KCTD8: variants seen among roughly 807,000 people sequenced by gnomAD.
KCTD8 encodes the protein BTB/POZ domain-containing protein KCTD8.
Under a neutral mutation model 31.5 loss-of-function variants are expected in KCTD8, and 27 were observed. That is an observed-to-expected ratio of 0.86 (90% CI 0.63 to 1.18). The LOEUF (loss-of-function observed/expected upper bound fraction) is 1.18. Among genes scored for constraint, KCTD8 ranks in the 50% most tolerant of loss-of-function variants. The pLI, the probability that KCTD8 is intolerant of heterozygous loss-of-function variation, is 0.00. For missense variants in KCTD8, 658 were observed against 647.7 expected (o/e 1.02, Z -0.17); for synonymous variants, 290 against 280.0 (o/e 1.04, Z -0.36).
At chr4:44,301,004 A>T (rs980102206) in intron 1 of KCTD8, among the ~76,000 whole-genome samples, 11 of 151,564 alleles carry the variant, frequency 7.3e-5, no homozygotes, top group African/African-American at 2.7e-4. Context: ...ACTGAGAATG[A>T]TGATTTCCAA....
chr4:44,367,619 C>T (rs1719675504), intron 1 of KCTD8, among the ~76,000 whole-genome samples: 1 of 151,970 alleles, frequency 6.6e-6, no homozygotes, highest in African/African-American at 2.4e-5. Context: ...GAATTAATGC[C>T]ATTATTGACT....
At chr4:44,342,843 T>C (rs1309937610) in intron 1 of KCTD8, among the ~76,000 whole-genome samples, 1 of 152,228 alleles carries the variant, frequency 6.6e-6, no homozygotes, top group Non-Finnish European at 1.5e-5. Flanking sequence ...TGAAACCTCA[T>C]GCACTAACCT....
At chr4:44,263,251 C>G (rs967521411) in intron 1 of KCTD8, among the ~76,000 whole-genome samples, 1 of 152,088 alleles carries the variant, frequency 6.6e-6, no homozygotes, top group African/African-American at 2.4e-5. Context: ...TGTTGAAAAT[C>G]TAGGTAGATG....
At chr4:44,342,032 C>T (rs936593859) in intron 1 of KCTD8, among the ~76,000 whole-genome samples, 1 of 152,074 alleles carries the variant, frequency 6.6e-6, no homozygotes, top group Non-Finnish European at 1.5e-5. Context: ...AAATCTCCAT[C>T]GGAGTTCTTG....
At position 44,323,231 on chromosome 4, in the gene KCTD8, C is replaced by G. The variant is rs184071001; in HGVS notation, c.961+124332G>C. ...ACATGTGGCCAGGCACGGTGGCTCA[C>G]ACCTGTAATCCTAGCACTTTGGGAG... On this transcript the variant is annotated intron_variant, in intron 1 of 1. Coordinates refer to ENST00000360029, the MANE Select transcript of KCTD8 (RefSeq NM_198353.3). Among the ~76,000 whole-genome samples, 134 of 152,090 alleles carry G rather than the reference C, an allele frequency of 8.8e-4. 3 individuals carry two copies. Among genetic ancestry groups the G allele is most frequent in the African/African-American group, 3.1e-3 (130 of 41,386 alleles).
At chr4:44,316,795 GAAAAAAA>G (rs71188270) in intron 1 of KCTD8, among the ~76,000 whole-genome samples, 1,198 of 40,298 alleles carry the variant, frequency 0.03, 17 homozygotes, top group African/African-American at 0.075. Context: ...CTAAAAATAC[GAAAAAAA>G]AAAAAAAAAA....
intron 1 of KCTD8, among the ~76,000 whole-genome samples, chr4:44,281,627 T>C (rs1716907636): frequency 6.6e-6 from 1 of 152,128 alleles, no homozygotes; most frequent in African/African-American, 2.4e-5. Context: ...ACCATAATGA[T>C]GGAAAATGTT....
At chr4:44,197,215 G>A (rs1713972711) in intron 1 of KCTD8, among the ~76,000 whole-genome samples, 1 of 152,148 alleles carries the variant, frequency 6.6e-6, no homozygotes, top group Admixed American at 6.5e-5. Context: ...AACACCAAGA[G>A]TGACAAGAAG....
At chr4:44,196,436 C>G (rs1713943550) in intron 1 of KCTD8, among the ~76,000 whole-genome samples, 1 of 152,172 alleles carries the variant, frequency 6.6e-6, no homozygotes, top group Non-Finnish European at 1.5e-5. Flanking sequence ...ATTAAATGCT[C>G]TTATATTTGC....
chr4:44,174,845 AAAT>A lies in KCTD8; in HGVS notation c.1364_1366del (p.Tyr455del). 6.2e-7 allele frequency: 1 copy of A among 1,613,752 alleles called. No homozygotes were observed. Among genetic ancestry groups the A allele is most frequent in the Non-Finnish European group, 8.5e-7 (1 of 1,179,868 alleles). ...TTGCCATTGGCGTTTGCGCTCTGGA[AAAT>A]AATCTGGAATGTGGATTTTTTTAAA... On this transcript the variant is annotated inframe_deletion, in exon 2 of 2. Transcript: ENST00000360029.
intron 1 of KCTD8, among the ~76,000 whole-genome samples, chr4:44,210,164 AT>A (rs1176940094): frequency 2.0e-5 from 3 of 152,028 alleles, no homozygotes; most frequent in South Asian, 2.1e-4. Context: ...TCTCAACATA[AT>A]TTTTTTCCCT....
chr4:44,289,062 A>G (rs910442519), intron 1 of KCTD8, among the ~76,000 whole-genome samples: 67 of 151,642 alleles, frequency 4.4e-4, no homozygotes, highest in South Asian at 4.2e-4. Context: ...TATTTTGAGA[A>G]TTCTTATCTT....
At chr4:44,395,542 C>A (rs1033242573) in intron 1 of KCTD8, among the ~76,000 whole-genome samples, 4 of 152,030 alleles carry the variant, frequency 2.6e-5, no homozygotes, top group African/African-American at 9.7e-5. Context: ...TGGCACAGTT[C>A]CAAGAAATCT....
chr4:44,368,484 C>T (rs1480924817), intron 1 of KCTD8, among the ~76,000 whole-genome samples: 1 of 152,174 alleles, frequency 6.6e-6, no homozygotes, highest in African/African-American at 2.4e-5. Context: ...CTCAATGACA[C>T]TAATTCTTTT....
chr4:44,186,343 C>A (rs568929605), intron 1 of KCTD8, among the ~76,000 whole-genome samples: 1 of 152,224 alleles, frequency 6.6e-6, no homozygotes, highest in African/African-American at 2.4e-5. Context: ...CCCCTGCTGG[C>A]TCCCCATCCA....
chr4:44,218,893 G>C (rs894164275), intron 1 of KCTD8, among the ~76,000 whole-genome samples: 10 of 152,128 alleles, frequency 6.6e-5, no homozygotes, highest in Non-Finnish European at 1.2e-4. Flanking sequence ...ACTGACTTTC[G>C]TAACAGTGGA....
intron 1 of KCTD8, among the ~76,000 whole-genome samples, chr4:44,274,508 T>C (rs574042351): frequency 4.6e-5 from 7 of 152,018 alleles, no homozygotes; most frequent in South Asian, 2.1e-4. Context: ...AACATCACAT[T>C]ATACTGCAGT....
chr4:44,357,942 A>C (rs2109428511), intron 1 of KCTD8, among the ~76,000 whole-genome samples: 1 of 152,096 alleles, frequency 6.6e-6, no homozygotes, highest in East Asian at 1.9e-4. Flanking sequence ...ATACAAGTGC[A>C]GAAAGTTCAG....
intron 1 of KCTD8, among the ~76,000 whole-genome samples, chr4:44,185,966 C>A (rs1350229271): frequency 1.3e-5 from 2 of 152,078 alleles, no homozygotes; most frequent in African/African-American, 4.8e-5. Flanking sequence ...AGGGCGGGGT[C>A]CCTGGCGAGG....
Sources: gnomAD v4.1 joint callset for allele counts (sites outside exome capture counted in the v4.1 genomes callset) on GRCh38, gnomAD v4.1.1 for gene constraint, MANE v1.5 for transcripts, NCBI Gene and HGNC (gene_info 2026-07-23, HGNC 2026-07-21) for gene names.